Variants in SBNO2 observed in about 807,000 individuals in gnomAD.
SBNO2 encodes the protein strawberry notch homolog 2, also known as protein strawberry notch homolog 2.
Under a neutral mutation model 146.3 loss-of-function variants are expected in SBNO2, and 89 were observed. The ratio of observed to expected loss-of-function variants is 0.61; its 90% confidence interval spans 0.51 to 0.73. SBNO2 has a LOEUF of 0.73. SBNO2 is among the 30% of genes least tolerant of loss of function. The probability of loss-of-function intolerance (pLI) is 0.00; values close to 1 mark genes in which losing one functional copy is unlikely to be tolerated. For missense variants in SBNO2, 2,092 were observed against 2,003.7 expected (o/e 1.04, Z -0.84); for synonymous variants, 1,147 against 892.6 (o/e 1.29, Z -5.08).
chr19:1,111,593 A>T lies in SBNO2; in HGVS notation c.2722T>A (p.Cys908Ser). ...ENKYGTRALH[C>S]VLTTILSQTE... ...TGGCTCAGGATGGTGGTGAGGACAC[A>T]GTGCAGGGCCCGGGTGCCATACTAG... The change falls in exon 24 of 32, where the codon TGT becomes AGT. Residue 908 changes from cysteine (C) to serine (S), a missense_variant. Cys to Ser is a moderately radical substitution (Grantham distance 112). Coordinates refer to ENST00000361757, the MANE Select transcript of SBNO2 (RefSeq NM_014963.3). 6.3e-7 allele frequency: 1 copy of T among 1,592,196 alleles called. No homozygotes were observed. The highest frequency in any genetic ancestry group is 2.3e-5 in the East Asian group (1 of 43,900).
chr19:1,122,436 T>C (rs752443124), intron 10 of SBNO2, 32 bp downstream of exon 10: 3 of 1,552,100 alleles, frequency 1.9e-6, no homozygotes, highest in Admixed American at 1.9e-5. Flanking sequence ...GGTCCCCACC[T>C]TGCCCCCTAC....
chr19:1,117,644 T>C, intron 14 of SBNO2, 145 bp from the exon 15 acceptor site: 3 of 811,200 alleles, frequency 3.7e-6, no homozygotes, highest in Non-Finnish European at 5.7e-6. Flanking sequence ...GGGTGTGCAC[T>C]GTAAGAGGCA....
Position 1,158,138 on chromosome 19 carries a change from C to G in SBNO2, c.-126-3736G>C, listed in dbSNP as rs149147312. 6.6e-6 allele frequency among the ~76,000 whole-genome samples: 1 copy of G among 152,228 alleles called. No individual in the cohort carries two copies. Among genetic ancestry groups the G allele is most frequent in the Non-Finnish European group, 1.5e-5 (1 of 68,040 alleles). On this transcript the variant is annotated intron_variant, in intron 1 of 31. Transcript: ENST00000361757. The surrounding 1 kb of genome is among the most constrained non-coding windows in gnomAD (Gnocchi z 9.9). ...GGCTGGACGCCCCAGGGTCTCACCC[C>G]ACGCTGTGCAGCAACAGCTCAGCCT...
In SBNO2 at chr19:1,173,313, C is replaced by T. The variant is rs1435065514; in HGVS notation, c.-127+859G>A. 2.0e-5 allele frequency among the ~76,000 whole-genome samples: 3 copies of T among 152,230 alleles called. No individual in the cohort carries two copies. The highest frequency in any genetic ancestry group is 6.5e-5 in the Admixed American group (1 of 15,290). ...CATCTCAGCCCGCTACCCTCCCTCC[C>T]GCCTGTCCCTGGAAGCCGGGTTTGA... On this transcript the variant is annotated intron_variant, in intron 1 of 31. Transcript: ENST00000361757. The surrounding 1 kb of genome is among the most constrained non-coding windows in gnomAD (Gnocchi z 4.7).
At chr19:1,162,167 T>A (rs1053488135) in intron 1 of SBNO2, among the ~76,000 whole-genome samples, 1 of 46,678 alleles carries the variant, frequency 2.1e-5, no homozygotes, top group African/African-American at 8.9e-5. Context: ...TATTCTTTTT[T>A]AAAATAATAC....
rs1321337431 is a variant in SBNO2 at position 1,113,803 on chromosome 19, G to A, written c.2078-99C>T. ...CCTGGAGGGCAAGGACAAGGGGCCCGGGGCAACCCTGAGGGACGGCAGGGT... is the reference window on the plus strand; with the variant it reads ...CCTGGAGGGCAAGGACAAGGGGCCCAGGGCAACCCTGAGGGACGGCAGGGT... On this transcript the variant is annotated intron_variant, in intron 18 of 31. Coordinates refer to ENST00000361757, the MANE Select transcript of SBNO2 (RefSeq NM_014963.3). 39 of 1,359,144 alleles carry A rather than the reference G, an allele frequency of 2.9e-5. No individual in the cohort carries two copies. In the East Asian group the frequency reaches 5.8e-4, roughly 20 times the overall value. The allele number at this position is 1,359,144 out of a possible 1,614,324, so 84.2% of individuals were successfully genotyped here.
chr19:1,123,865 G>A (rs967484100), intron 6 of SBNO2, 77 bp downstream of exon 6: 2 of 1,432,578 alleles, frequency 1.4e-6, no homozygotes, highest in African/African-American at 2.9e-5. Flanking sequence ...CCCCACAATG[G>A]AGATGCCTGT....
rs949592485 is a variant in SBNO2, at chr19:1,132,330, G to A, written c.280-4565C>T. On this transcript the variant is annotated intron_variant, in intron 4 of 31. Coordinates refer to ENST00000361757, the MANE Select transcript of SBNO2 (RefSeq NM_014963.3). ...CTCTAAGGCCGGGGCTGACTTTCAG[G>A]AAATGATGCCGGCCCCGTAAGTCAG... 4 of 1,275,952 alleles carry A rather than the reference G, an allele frequency of 3.1e-6. No individual in the cohort carries two copies. In the African/African-American group the frequency reaches 6.2e-5, roughly 20 times the overall value. The allele number at this position is 1,275,952 out of a possible 1,614,324, so 79.0% of individuals were successfully genotyped here.
At chr19:1,123,139 A>G in intron 7 of SBNO2, 94 bp from the exon 8 acceptor site, 1 of 1,438,390 alleles carries the variant, frequency 7.0e-7, no homozygotes, top group Non-Finnish European at 9.4e-7. Flanking sequence ...GGGCGTGGCC[A>G]GAGCTGGCGG....
rs766423849 is a variant in SBNO2 at position 1,112,378 on chromosome 19, C to T, written c.2515+24G>A. The T allele has an allele frequency of 3.6e-5, 57 of 1,583,992 alleles. No homozygotes were observed. In the Middle Eastern group the frequency reaches 9.2e-4, roughly 26 times the overall value. ...CCATGTTGGGGGCGGGGCCAGGCAG[C>T]GCTGGGGGCGGGGCCGGACTCACCG... On this transcript the variant is annotated intron_variant, in intron 21 of 31. Transcript: ENST00000361757. The surrounding 1 kb of genome is among the most constrained non-coding windows in gnomAD (Gnocchi z 5.9).
chr19:1,133,700 GGCAGCCAATCACAGCCACCGCTCAACCTA>G (rs2080057763), intron 4 of SBNO2, among the ~76,000 whole-genome samples: 1 of 151,786 alleles, frequency 6.6e-6, no homozygotes, highest in African/African-American at 2.4e-5. Context: ...CGCTCAATCC[GGCAGCCAATCACAGCCACCGCTCAACCTA>G]GCAGCCAATC....
Position 1,109,879 on chromosome 19 carries a change from G to T in SBNO2, c.3029-102C>A. 1.3e-6 allele frequency: 1 copy of T among 774,710 alleles called. No homozygotes were observed. The highest frequency in any genetic ancestry group is 2.1e-6 in the Non-Finnish European group (1 of 486,934). The allele number at this position is 774,710 out of a possible 1,614,324, so 48.0% of individuals were successfully genotyped here. ...GGGCGCACCCTAGAGACGACCCCCC[G>T]AGAGCACAGGAGAGGGTGTCCTGGA... is the stretch of plus-strand genomic sequence containing the variant. On this transcript the variant is annotated intron_variant, in intron 26 of 31. Coordinates refer to ENST00000361757, the MANE Select transcript of SBNO2 (RefSeq NM_014963.3). This position sits in a 1 kb window ranked among gnomAD's most constrained non-coding sequence, Gnocchi z 4.2.
rs533053383 is a variant in SBNO2 at position 1,150,055 on chromosome 19, G to T, written c.94-613C>A. Among the ~76,000 whole-genome samples the T allele has an allele frequency of 6.6e-5, 10 of 152,286 alleles. No homozygotes were observed. In the South Asian group the frequency reaches 2.1e-3, roughly 32 times the overall value. On this transcript the variant is annotated intron_variant, in intron 2 of 31. Transcript: ENST00000361757. The surrounding 1 kb of genome is among the most constrained non-coding windows in gnomAD (Gnocchi z 6.2). Reference sequence around the variant, plus strand: ...CCTGCTTTGGGAAATGGTGACCAGTGGCCTGGAGGCTCAGCCCGAGGTCAG... The same window carrying T: ...CCTGCTTTGGGAAATGGTGACCAGTTGCCTGGAGGCTCAGCCCGAGGTCAG...
chr19:1,163,925 C>T (rs1192862449), intron 1 of SBNO2, among the ~76,000 whole-genome samples: 1 of 152,196 alleles, frequency 6.6e-6, no homozygotes. Flanking sequence ...CCCCATACCC[C>T]AGGAGCCCAC....
intron 1 of SBNO2, among the ~76,000 whole-genome samples, chr19:1,170,471 C>G (rs928532556): frequency 6.6e-6 from 1 of 152,132 alleles, no homozygotes; most frequent in Non-Finnish European, 1.5e-5. Context: ...CAGGCCAGGA[C>G]GAGAACCAGG....
Position 1,112,940 on chromosome 19 carries a change from T to C in SBNO2, c.2257A>G (p.Arg753Gly). Residue 753 changes from arginine to glycine, a missense_variant, in exon 20 of 32, where the codon AGG becomes GGG. Transcript: ENST00000361757. The surrounding 1 kb of genome is among the most constrained non-coding windows in gnomAD (Gnocchi z 5.9). ...GGCCTGGACACCACGCGGCCTTTCC[T>C]GCCGGTCATCTGCAGCCGAGACAGG... ...GPQRVAEMTGRKGRVVSRPDG... is the reference protein window; with the variant it reads ...GPQRVAEMTGGKGRVVSRPDG... 6.4e-7 allele frequency: 1 copy of C among 1,563,796 alleles called. No homozygotes were observed. Among genetic ancestry groups the C allele is most frequent in the Non-Finnish European group, 8.7e-7 (1 of 1,155,578 alleles).
rs1157477118 is a variant in SBNO2 at position 1,158,785 on chromosome 19, G to C, written c.-126-4383C>G. ...GAAGATGGCAAGGAGCAGGCCCCCG[G>C]GTGTCCCGGGAACCCCGCACAGAGC... On this transcript the variant is annotated intron_variant, in intron 1 of 31. Coordinates refer to ENST00000361757, the MANE Select transcript of SBNO2 (RefSeq NM_014963.3). The surrounding 1 kb of genome is among the most constrained non-coding windows in gnomAD (Gnocchi z 9.9). Among the ~76,000 whole-genome samples the C allele has an allele frequency of 6.6e-6, 1 of 152,140 alleles. No individual in the cohort carries two copies. Among genetic ancestry groups the C allele is most frequent in the Non-Finnish European group, 1.5e-5 (1 of 68,014 alleles).
chr19:1,164,421 A>G (rs1297826570), intron 1 of SBNO2, among the ~76,000 whole-genome samples: 2 of 4,262 alleles, frequency 4.7e-4, no homozygotes, highest in Non-Finnish European at 5.1e-4. Context: ...GAGGAGGAAC[A>G]GGAGGAGGAG....
intron 1 of SBNO2, among the ~76,000 whole-genome samples, chr19:1,166,697 G>A (rs2080429424): frequency 6.6e-6 from 1 of 152,112 alleles, no homozygotes; most frequent in Admixed American, 6.6e-5. Context: ...CTGAGCTTGA[G>A]CCTGTGGTCC....
Sources: gnomAD v4.1 joint callset for allele counts (sites outside exome capture counted in the v4.1 genomes callset) on GRCh38, gnomAD v4.1.1 for gene constraint, Gnocchi (gnomAD v3.1) non-coding constraint, MANE v1.5 for transcripts, NCBI Gene and HGNC (gene_info 2026-07-23, HGNC 2026-07-21) for gene names.